Variants in MIR2052HG observed in about 807,000 individuals in gnomAD.
MIR2052HG encodes the protein MIR2052 host gene.
intron 4 of MIR2052HG, among the ~76,000 whole-genome samples, chr8:74,746,459 A>C (rs1271052956): frequency 2.6e-5 from 4 of 152,112 alleles, no homozygotes; most frequent in Non-Finnish European, 5.9e-5. Context: ...GACAGACACA[A>C]ATAAGTAAAT....
At chr8:74,738,755 G>A (rs962122524) in intron 4 of MIR2052HG, among the ~76,000 whole-genome samples, 1 of 152,186 alleles carries the variant, frequency 6.6e-6, no homozygotes, top group Non-Finnish European at 1.5e-5. Flanking sequence ...TTAGACTCAT[G>A]AGAAAGAGGG....
chr8:74,602,857 CTTTCTTTCTTTCTTTCTTTT>C (rs1808035170), intron 1 of MIR2052HG, among the ~76,000 whole-genome samples: 2 of 144,324 alleles, frequency 1.4e-5, no homozygotes, highest in African/African-American at 2.6e-5. Flanking sequence ...TTCTTTCTTT[CTTTCTTTCTTTCTTTCTTTT>C]TTCTATTCAC....
intron 2 of MIR2052HG, among the ~76,000 whole-genome samples, chr8:74,688,236 A>G (rs1055012895): frequency 1.3e-5 from 2 of 152,200 alleles, no homozygotes; most frequent in Admixed American, 1.3e-4. Flanking sequence ...AAAATGGTTT[A>G]AATTGCTAAA....
intron 5 of MIR2052HG, among the ~76,000 whole-genome samples, chr8:74,755,170 T>C (rs1056933852): frequency 1.1e-4 from 16 of 152,222 alleles, no homozygotes; most frequent in African/African-American, 2.9e-4. Context: ...TGCGATTGTC[T>C]TCCAAAATGG....
chr8:74,653,827 C>T (rs989303177), intron 2 of MIR2052HG, among the ~76,000 whole-genome samples: 1 of 152,144 alleles, frequency 6.6e-6, no homozygotes, highest in Non-Finnish European at 1.5e-5. Context: ...TGTACATTCC[C>T]ATAATGTTAC....
chr8:74,627,301 TG>T (rs1386495620), intron 2 of MIR2052HG, among the ~76,000 whole-genome samples: 1 of 152,240 alleles, frequency 6.6e-6, no homozygotes, highest in Non-Finnish European at 1.5e-5. Context: ...TGCCTTTTTT[TG>T]TTATTTATTC....
intron 2 of MIR2052HG, among the ~76,000 whole-genome samples, chr8:74,634,535 A>G (rs1808557312): frequency 2.0e-5 from 3 of 152,020 alleles, no homozygotes; most frequent in Non-Finnish European, 4.4e-5. Flanking sequence ...TTTGAGTTTT[A>G]CTATCGTTTT....
chr8:74,659,410 A>G (rs1341305977), intron 2 of MIR2052HG, among the ~76,000 whole-genome samples: 2 of 152,148 alleles, frequency 1.3e-5, no homozygotes, highest in Admixed American at 1.3e-4. Context: ...AATTTCTACC[A>G]TGTTTTGACT....
intron 5 of MIR2052HG, among the ~76,000 whole-genome samples, chr8:74,752,708 C>A (rs1384081878): frequency 6.6e-6 from 1 of 152,074 alleles, no homozygotes; most frequent in Admixed American, 6.6e-5. Context: ...AGTAAATAAG[C>A]CTGGTAGTAA....
At chr8:74,707,560 C>A (rs529904540) in intron 4 of MIR2052HG, among the ~76,000 whole-genome samples, 1 of 152,084 alleles carries the variant, frequency 6.6e-6, no homozygotes, top group South Asian at 2.1e-4. Context: ...TAGTATGCAA[C>A]TCTTTGTAGT....
intron 1 of MIR2052HG, among the ~76,000 whole-genome samples, chr8:74,608,017 G>T (rs892493555): frequency 6.6e-6 from 1 of 152,202 alleles, no homozygotes; most frequent in Non-Finnish European, 1.5e-5. Flanking sequence ...TTAATAGATT[G>T]TAAAGGTGTC....
At chr8:74,671,490 A>G (rs2128738070) in intron 2 of MIR2052HG, among the ~76,000 whole-genome samples, 1 of 152,282 alleles carries the variant, frequency 6.6e-6, no homozygotes, top group Middle Eastern at 3.4e-3. Context: ...TATTAAAACA[A>G]CTACTTAAGG....
At chr8:74,736,197 G>A (rs1056980366) in intron 4 of MIR2052HG, among the ~76,000 whole-genome samples, 4 of 151,856 alleles carry the variant, frequency 2.6e-5, no homozygotes, top group African/African-American at 9.7e-5. Flanking sequence ...ATACTCCTTT[G>A]GTCTCTTTCT....
chr8:74,705,300 G>A (rs1809399175), intron 4 of MIR2052HG, among the ~76,000 whole-genome samples: 1 of 151,766 alleles, frequency 6.6e-6, no homozygotes, highest in Non-Finnish European at 1.5e-5. Context: ...TTTTTTTCTA[G>A]TAAAATTAAA....
At chr8:74,654,328 G>A (rs749903469) in intron 2 of MIR2052HG, among the ~76,000 whole-genome samples, 2 of 152,120 alleles carry the variant, frequency 1.3e-5, no homozygotes, top group Non-Finnish European at 1.5e-5. Flanking sequence ...GAAGGAGGCA[G>A]GGTGTACTGT....
At chr8:74,671,281 G>A (rs1440202998) in intron 2 of MIR2052HG, among the ~76,000 whole-genome samples, 1 of 152,094 alleles carries the variant, frequency 6.6e-6, no homozygotes, top group East Asian at 1.9e-4. Context: ...TGCATTTTGT[G>A]TATTATGATT....
At chr8:74,659,334 A>T (rs2128736837) in intron 2 of MIR2052HG, among the ~76,000 whole-genome samples, 1 of 152,342 alleles carries the variant, frequency 6.6e-6, no homozygotes, top group Non-Finnish European at 1.5e-5. Flanking sequence ...AAAACAAGTG[A>T]AAATTTCTCA....
At chr8:74,670,251 C>A (rs577609092) in intron 2 of MIR2052HG, among the ~76,000 whole-genome samples, 9 of 147,950 alleles carry the variant, frequency 6.1e-5, no homozygotes, top group African/African-American at 2.1e-4. Flanking sequence ...ACTGCTATAT[C>A]TCCAGTGCAA....
intron 1 of MIR2052HG, chr8:74,603,526 G>T: frequency 1.3e-6 from 2 of 1,536,356 alleles, no homozygotes; most frequent in Admixed American, 3.3e-5. Flanking sequence ...ATGAGAAGTA[G>T]TCTGAGCAGA....
Sources: allele counts gnomAD v4.1 joint callset (sites outside exome capture counted in the v4.1 genomes callset), GRCh38; gene constraint gnomAD v4.1.1; transcripts MANE v1.5; gene names NCBI Gene and HGNC (gene_info 2026-07-23, HGNC 2026-07-21).